Variants in NOVA1 observed in about 807,000 individuals in gnomAD.
NOVA1 encodes the protein RNA-binding protein Nova-1.
A neutral mutation model predicts 38.0 loss-of-function variants in NOVA1; 7 were observed. The observed-to-expected ratio is 0.18, with a 90% CI of 0.10 to 0.35. The LOEUF (loss-of-function observed/expected upper bound fraction) is 0.35, where lower values mean the gene tolerates loss of function less well. Among genes scored for constraint, NOVA1 ranks in the 10% least tolerant of loss-of-function variants. The pLI, the probability that NOVA1 is intolerant of heterozygous loss-of-function variation, is 1.00. For missense variants in NOVA1, 460 were observed against 616.0 expected (o/e 0.75, Z 2.68); for synonymous variants, 270 against 232.5 (o/e 1.16, Z -1.47).
intron 2 of NOVA1, among the ~76,000 whole-genome samples, chr14:26,566,116 C>T (rs988639151): frequency 6.6e-6 from 1 of 151,936 alleles, no homozygotes; most frequent in Non-Finnish European, 1.5e-5. Context: ...ATAAGGAATG[C>T]ATAACATAAC....
At chr14:26,547,926 G>A (rs1025805518) in intron 2 of NOVA1, among the ~76,000 whole-genome samples, 3 of 152,004 alleles carry the variant, frequency 2.0e-5, no homozygotes, top group Admixed American at 6.6e-5. Context: ...ATTACAATAT[G>A]AGTTTTTGGT....
At chr14:26,555,265 G>A (rs964308347) in intron 2 of NOVA1, among the ~76,000 whole-genome samples, 1 of 151,880 alleles carries the variant, frequency 6.6e-6, no homozygotes, top group Non-Finnish European at 1.5e-5. Context: ...AAATTTAATG[G>A]GCATTCTCTT....
chr14:26,450,216 A>G (rs1292844236), intron 4 of NOVA1, among the ~76,000 whole-genome samples: 1 of 152,170 alleles, frequency 6.6e-6, no homozygotes, highest in African/African-American at 2.4e-5. Context: ...GCTAATTTTT[A>G]GCAAGCATCT....
intron 2 of NOVA1, among the ~76,000 whole-genome samples, chr14:26,563,910 C>T (rs1193187888): frequency 1.3e-5 from 2 of 152,028 alleles, no homozygotes; most frequent in Non-Finnish European, 2.9e-5. Context: ...AGCCTTCATC[C>T]GGTGGTTTTC....
intron 2 of NOVA1, among the ~76,000 whole-genome samples, chr14:26,587,839 CACT>C (rs1434913895): frequency 1.3e-5 from 2 of 150,880 alleles, no homozygotes; most frequent in African/African-American, 4.9e-5. Context: ...TACTGAAATG[CACT>C]ACTATTGGTT....
chr14:26,449,042 G>C, intron 4 of NOVA1, 79 bp from the exon 5 acceptor site: 11 of 1,297,124 alleles, frequency 8.5e-6, no homozygotes, highest in South Asian at 1.8e-5. Context: ...TCCTAGAAAA[G>C]TAAAATAATA....
intron 2 of NOVA1, chr14:26,588,557 A>C (rs1893667674): frequency 1.3e-5 from 2 of 151,472 alleles, no homozygotes; most frequent in African/African-American, 4.8e-5. Flanking sequence ...ATATCCATAC[A>C]GTGGTGTGAA....
At chr14:26,586,110 A>G (rs1030735359) in intron 2 of NOVA1, among the ~76,000 whole-genome samples, 1 of 151,346 alleles carries the variant, frequency 6.6e-6, no homozygotes, top group African/African-American at 2.4e-5. Flanking sequence ...ATTCCCCCAC[A>G]TCAGTGGACC....
At chr14:26,480,529 C>T (rs1231881377) in intron 2 of NOVA1, among the ~76,000 whole-genome samples, 3 of 152,020 alleles carry the variant, frequency 2.0e-5, no homozygotes, top group Non-Finnish European at 4.4e-5. Flanking sequence ...GGAAAAAAAC[C>T]GACATAAAAC....
At chr14:26,587,782 TG>T (rs1030415859) in intron 2 of NOVA1, among the ~76,000 whole-genome samples, 2 of 150,946 alleles carry the variant, frequency 1.3e-5, no homozygotes, top group Non-Finnish European at 3.0e-5. Flanking sequence ...AACAAAAACA[TG>T]TTTTTTTTTA....
At chr14:26,496,285 T>C (rs1798209453) in intron 2 of NOVA1, among the ~76,000 whole-genome samples, 2 of 152,234 alleles carry the variant, frequency 1.3e-5, no homozygotes, top group Non-Finnish European at 1.5e-5. Flanking sequence ...TTTGGCTGCA[T>C]AAATGTCTTC....
chr14:26,588,224 T>C (rs1893647465), intron 2 of NOVA1, among the ~76,000 whole-genome samples: 1 of 151,088 alleles, frequency 6.6e-6, no homozygotes, highest in African/African-American at 2.4e-5. Context: ...TTTTAAATTA[T>C]TGAGTCTGCA....
rs75173066 is a variant in NOVA1, at chr14:26,567,592, G to A, written c.280+27818C>T. Among the ~76,000 whole-genome samples the A allele has an allele frequency of 5.1e-3, 777 of 152,154 alleles. 4 individuals are homozygous for A. Among genetic ancestry groups the A allele is most frequent in the Middle Eastern group, 0.048 (14 of 294 alleles). On this transcript the variant is annotated intron_variant, in intron 2 of 4. Transcript: ENST00000539517. ...ATTATAGGCATGAGTCACTGTACCC[G>A]ACTGTCTTACTTGATTTAAATAGTT...
At chr14:26,467,850 G>A (rs1215560718) in intron 4 of NOVA1, among the ~76,000 whole-genome samples, 2 of 152,130 alleles carry the variant, frequency 1.3e-5, no homozygotes, top group Non-Finnish European at 2.9e-5. Context: ...CAGTGAAGTA[G>A]GAAAGGAAGT....
chr14:26,535,962 A>T (rs1385957466), intron 2 of NOVA1, among the ~76,000 whole-genome samples: 1 of 150,642 alleles, frequency 6.6e-6, no homozygotes, highest in Non-Finnish European at 1.5e-5. Flanking sequence ...CTGGGCAACA[A>T]AGCGAGACTC....
intron 3 of NOVA1, chr14:26,479,527 T>G (rs1885260418): frequency 6.4e-6 from 1 of 157,392 alleles, no homozygotes; most frequent in Non-Finnish European, 1.4e-5. Flanking sequence ...TGATAAAAAA[T>G]GAGAACATGA....
intron 2 of NOVA1, among the ~76,000 whole-genome samples, chr14:26,533,920 A>T (rs1221774703): frequency 2.0e-5 from 3 of 152,206 alleles, no homozygotes; most frequent in Non-Finnish European, 4.4e-5. Flanking sequence ...AGGCCTATCA[A>T]ATAAATATAT....
At chr14:26,528,154 C>T (rs1215482429) in intron 2 of NOVA1, among the ~76,000 whole-genome samples, 2 of 152,112 alleles carry the variant, frequency 1.3e-5, no homozygotes, top group Non-Finnish European at 2.9e-5. Flanking sequence ...CACACCACTT[C>T]CTCACATACT....
intron 2 of NOVA1, among the ~76,000 whole-genome samples, chr14:26,498,222 G>C (rs923769884): frequency 3.3e-5 from 5 of 151,090 alleles, no homozygotes; most frequent in Admixed American, 2.6e-4. Context: ...ACCACGCCCA[G>C]TTAATTTTTT....
Sources: gnomAD v4.1 joint callset for allele counts (sites outside exome capture counted in the v4.1 genomes callset) on GRCh38, gnomAD v4.1.1 for gene constraint, MANE v1.5 for transcripts, NCBI Gene and HGNC (gene_info 2026-07-23, HGNC 2026-07-21) for gene names.